IRGC: variants seen among roughly 807,000 people sequenced by gnomAD.
The protein encoded by IRGC is immunity related GTPase cinema.
Under a neutral mutation model 16.1 loss-of-function variants are expected in IRGC, and 4 were observed. The ratio of observed to expected loss-of-function variants is 0.25; its 90% CI spans 0.12 to 0.57. The LOEUF is 0.57. Among genes scored for constraint, IRGC ranks in the 20% least tolerant of loss-of-function variants. The probability of loss-of-function intolerance (pLI) is 0.92; values close to 1 mark genes in which losing one functional copy is unlikely to be tolerated. For synonymous variants in IRGC, 307 were observed against 299.5 expected (o/e 1.03, Z -0.26); for missense variants, 570 against 643.9 (o/e 0.89, Z 1.24).
chr19:43,717,043 G>C (rs970038720), intron 1 of IRGC, among the ~76,000 whole-genome samples: 1 of 152,138 alleles, frequency 6.6e-6, no homozygotes, highest in African/African-American at 2.4e-5. Context: ...AGGGATCTGA[G>C]GGGGGACCAT....
In IRGC at chr19:43,718,917, G is replaced by A. The variant is rs1968218794; in HGVS notation, c.359G>A (p.Cys120Tyr). The A allele has an allele frequency of 6.2e-7, 1 of 1,612,796 alleles. No homozygotes were observed. Among genetic ancestry groups the A allele is most frequent in the African/African-American group, 1.3e-5 (1 of 74,918 alleles). The change falls in exon 2 of 2, where the codon TGC (cysteine) becomes TAC (tyrosine). Residue 120 changes from cysteine (C) to tyrosine (Y), a missense_variant. By Grantham distance (194) the Cys-to-Tyr change is radical. Transcript: ENST00000244314. ...WDLPGAGSPG[C>Y]PADKYLKQVD... The stretch of plus-strand genomic sequence containing the variant: ...CTGCCAGGAGCCGGCTCTCCAGGCT[G>A]CCCGGCTGACAAGTACCTAAAGCAG...
chr19:43,717,158 G>A (rs1156563588), intron 1 of IRGC, among the ~76,000 whole-genome samples: 1 of 152,078 alleles, frequency 6.6e-6, no homozygotes, highest in Non-Finnish European at 1.5e-5. Context: ...TGTCCAGGTG[G>A]TCCCCATGTC....
chr19:43,719,555 C>T lies in IRGC; in HGVS notation c.997C>T (p.Pro333Ser). 1 of 1,602,578 alleles carries T rather than the reference C, an allele frequency of 6.2e-7. No homozygotes were observed. Reference protein sequence around the residue: ...AGDLRSVIRSPLANEVSPETV... With the variant: ...AGDLRSVIRSSLANEVSPETV... ...TGACCTGCGCTCGGTCATCCGCTCCCCACTGGCCAACGAGGTCTCGCCTGA... is the reference window on the plus strand; with the variant it reads ...TGACCTGCGCTCGGTCATCCGCTCCTCACTGGCCAACGAGGTCTCGCCTGA... Residue 333 changes from proline (P) to serine (S), a missense_variant, in exon 2 of 2, where the codon CCA becomes TCA. By Grantham distance (74) the Pro-to-Ser change is moderately conservative (BLOSUM62 -1). Transcript: ENST00000244314.
chr19:43,719,212 C>T lies in IRGC; in HGVS notation c.654C>T (p.Leu218=), dbSNP rs924799320. The part of the protein sequence containing the change: ...ADPRIFLVSN[L]SPARYDFPTL... ...CTCGCATCTTCCTGGTGTCCAACCT[C>T]TCGCCGGCCCGCTACGACTTTCCCA... The change falls in exon 2 of 2, where the codon CTC becomes CTT. Residue 218 remains leucine, a synonymous_variant. Transcript: ENST00000244314. The T allele has an allele frequency of 1.9e-6, 3 of 1,608,550 alleles. No homozygotes were observed. The highest frequency in any genetic ancestry group is 2.5e-6 in the Non-Finnish European group (3 of 1,179,638).
intron 1 of IRGC, among the ~76,000 whole-genome samples, chr19:43,717,282 C>T (rs1968185521): frequency 6.6e-6 from 1 of 152,166 alleles, no homozygotes; most frequent in Admixed American, 6.5e-5. Context: ...CCCCACGGGG[C>T]AGCTGAGGCT....
At position 43,718,752 on chromosome 19, in the gene IRGC, C is replaced by A; in HGVS notation, c.194C>A (p.Ala65Glu). 6.2e-7 allele frequency: 1 copy of A among 1,612,674 alleles called. No individual in the cohort carries two copies. The highest frequency in any genetic ancestry group is 8.5e-7 in the Non-Finnish European group (1 of 1,179,752). ...GTGGGCGTCACGGGCGAGTCGGGCG[C>A]GGGCAAGTCCTCCCTCATCAATGCC... ...LEVGVTGESGAGKSSLINALR... is the reference protein window; with the variant it reads ...LEVGVTGESGEGKSSLINALR... Residue 65 changes from alanine to glutamate, a missense_variant, in exon 2 of 2, where the codon GCG becomes GAG. Physicochemically the swap from Ala to Glu is moderately radical, Grantham distance 107. Transcript: ENST00000244314.
intron 1 of IRGC, 170 bp from the exon 2 acceptor site, chr19:43,718,323 C>T (rs893129830): frequency 5.9e-6 from 4 of 677,008 alleles, no homozygotes; most frequent in Admixed American, 3.9e-5. Context: ...GAACCTGGGC[C>T]TGCCAGACCC....
rs756799164 is a variant in IRGC at position 43,718,742 on chromosome 19, G to A, written c.184G>A (p.Glu62Lys). ...SIRLEVGVTG[E>K]SGAGKSSLIN... Reference sequence around the variant, plus strand: ...CCGCCTGGAGGTGGGCGTCACGGGCGAGTCGGGCGCGGGCAAGTCCTCCCT... The same window carrying A: ...CCGCCTGGAGGTGGGCGTCACGGGCAAGTCGGGCGCGGGCAAGTCCTCCCT... The change falls in exon 2 of 2, where the codon GAG (glutamate) becomes AAG (lysine). Residue 62 changes from glutamate to lysine, a missense_variant. By Grantham distance (56) the Glu-to-Lys change is moderately conservative. Transcript: ENST00000244314. 3.1e-6 allele frequency: 5 copies of A among 1,612,808 alleles called. No homozygotes were observed. The highest frequency in any genetic ancestry group is 3.4e-6 in the Non-Finnish European group (4 of 1,179,802).
intron 1 of IRGC, among the ~76,000 whole-genome samples, chr19:43,716,503 A>G (rs1968172080): frequency 6.6e-6 from 1 of 151,956 alleles, no homozygotes; most frequent in African/African-American, 2.4e-5. Flanking sequence ...ACACCTGGCT[A>G]ATTTTTGTAT....
At chr19:43,718,125 G>A (rs1353840196) in intron 1 of IRGC, among the ~76,000 whole-genome samples, 1 of 152,138 alleles carries the variant, frequency 6.6e-6, no homozygotes, top group African/African-American at 2.4e-5. Context: ...ATTAAACCAA[G>A]CACTGGGCCA....
Position 43,718,828 on chromosome 19 carries a change from G to A in IRGC, c.270G>A (p.Met90Ile), listed in dbSNP as rs1968216261. The change falls in exon 2 of 2, where the codon ATG (methionine) becomes ATA (isoleucine). Residue 90 changes from methionine (M) to isoleucine (I), a missense_variant. Coordinates refer to ENST00000244314, the MANE Select transcript of IRGC (RefSeq NM_019612.4). ...CTGGCGCGGCTCTCACGGGCGTCAT[G>A]GAGACCACGATGCAACCGTCGCCCT... ...EDPGAALTGV[M>I]ETTMQPSPYP... is the part of the protein sequence containing the mutation. The A allele has an allele frequency of 6.2e-7, 1 of 1,612,956 alleles. No individual in the cohort carries two copies. Among genetic ancestry groups the A allele is most frequent in the Non-Finnish European group, 8.5e-7 (1 of 1,179,982 alleles).
In IRGC at chr19:43,718,747, G is replaced by T. The variant is rs570958028; in HGVS notation, c.189G>T (p.Ser63=). 2.5e-6 allele frequency: 4 copies of T among 1,612,740 alleles called. No individual in the cohort carries two copies. The South Asian group carries it at 4.4e-5, about 18-fold the overall frequency. Residue 63 remains serine (S), a synonymous_variant, in exon 2 of 2, where the codon TCG becomes TCT. Coordinates refer to ENST00000244314, the MANE Select transcript of IRGC (RefSeq NM_019612.4). ...TGGAGGTGGGCGTCACGGGCGAGTC[G>T]GGCGCGGGCAAGTCCTCCCTCATCA... The part of the protein sequence containing the change: ...IRLEVGVTGE[S]GAGKSSLINA...
intron 1 of IRGC, among the ~76,000 whole-genome samples, chr19:43,717,385 G>A (rs745370144): frequency 6.6e-6 from 1 of 152,198 alleles, no homozygotes; most frequent in Non-Finnish European, 1.5e-5. Flanking sequence ...ATGACACGAG[G>A]CACCTGCCCT....
Position 43,719,750 on chromosome 19 carries a change from C to A in IRGC, c.1192C>A (p.Arg398Ser). 3 of 1,613,618 alleles carry A rather than the reference C, an allele frequency of 1.9e-6. No homozygotes were observed. Among genetic ancestry groups the A allele is most frequent in the South Asian group, 1.1e-5 (1 of 91,038 alleles). The change falls in exon 2 of 2, where the codon CGT (arginine) becomes AGT (serine). Residue 398 changes from arginine (R) to serine (S), a missense_variant. Physicochemically the swap from Arg to Ser is moderately radical, Grantham distance 110. Transcript: ENST00000244314. The stretch of plus-strand genomic sequence containing the variant: ...CAACGAGATGGCTGAGGACGCCCAG[C>A]GTGTCCGCATCAAGGCCCTGGAGGA... Reference protein sequence around the residue: ...CLNEMAEDAQRVRIKALEDDE... With the variant: ...CLNEMAEDAQSVRIKALEDDE...
Position 43,718,727 on chromosome 19 carries a change from G to A in IRGC, c.169G>A (p.Val57Met). ...LASTESIRLEVGVTGESGAGK... is the reference protein window; with the variant it reads ...LASTESIRLEMGVTGESGAGK... ...CTCCACGGAAAGCATCCGCCTGGAG[G>A]TGGGCGTCACGGGCGAGTCGGGCGC... is the stretch of plus-strand genomic sequence containing the variant. The change falls in exon 2 of 2, where the codon GTG becomes ATG. Residue 57 changes from valine (V) to methionine (M), a missense_variant. Physicochemically the swap from Val to Met is conservative, Grantham distance 21. Coordinates refer to ENST00000244314, the MANE Select transcript of IRGC (RefSeq NM_019612.4). 5 of 1,613,318 alleles carry A rather than the reference G, an allele frequency of 3.1e-6. No individual in the cohort carries two copies. Among genetic ancestry groups the A allele is most frequent in the Non-Finnish European group, 4.2e-6 (5 of 1,179,900 alleles).
In IRGC at chr19:43,718,065, TCAAA is replaced by T. The variant is rs111429395; in HGVS notation, c.-66-404_-66-401del. Among the ~76,000 whole-genome samples, 430 of 152,120 alleles carry T rather than the reference TCAAA, an allele frequency of 2.8e-3. 2 individuals are homozygous for T. The highest frequency in any genetic ancestry group is 7.4e-3 in the African/African-American group (309 of 41,496). Reference sequence around the variant, plus strand: ...GCCTCGATGACAGAGAGACCCTGTCTCAAACAAACAAACAAACAAACAAACAATT... The same window carrying T: ...GCCTCGATGACAGAGAGACCCTGTCTCAAACAAACAAACAAACAAACAATT... On this transcript the variant is annotated intron_variant, in intron 1 of 1. Transcript: ENST00000244314.
Position 43,718,639 on chromosome 19 carries a change from G to T in IRGC, c.81G>T (p.Leu27=). 6.2e-7 allele frequency: 1 copy of T among 1,613,600 alleles called. No individual in the cohort carries two copies. The highest frequency in any genetic ancestry group is 8.5e-7 in the Non-Finnish European group (1 of 1,179,990). The change falls in exon 2 of 2, where the codon CTG becomes CTT. Residue 27 remains leucine, a synonymous_variant. Coordinates refer to ENST00000244314, the MANE Select transcript of IRGC (RefSeq NM_019612.4). ...TGGCCAAGGAAAGGCTGGAGGCCCT[G>T]CGCACAGCCTTTGAGTCGGGTGACC... ...ILMAKERLEA[L]RTAFESGDLP...
Position 43,719,636 on chromosome 19 carries a change from G to C in IRGC, c.1078G>C (p.Ala360Pro). The C allele has an allele frequency of 6.2e-7, 1 of 1,606,148 alleles. No homozygotes were observed. The highest frequency in any genetic ancestry group is 1.1e-5 in the South Asian group (1 of 91,078). ...SSDGAMRVAR[A>P]FERGIPVFGT... ...CGACGGCGCCATGCGGGTGGCCCGC[G>C]CCTTTGAGAGGGGCATCCCTGTGTT... The change falls in exon 2 of 2, where the codon GCC becomes CCC. Residue 360 changes from alanine to proline, a missense_variant. By Grantham distance (27) the Ala-to-Pro change is conservative. Coordinates refer to ENST00000244314, the MANE Select transcript of IRGC (RefSeq NM_019612.4).
rs184064504 is a variant in IRGC at position 43,719,453 on chromosome 19, C to A, written c.895C>A (p.Arg299Ser). ...YDDALLIHSL[R>S]GYHRSFGLDD... ...TGATGCGTTGCTCATCCACTCACTGCGTGGCTACCACCGCAGCTTTGGTCT... is the reference window on the plus strand; with the variant it reads ...TGATGCGTTGCTCATCCACTCACTGAGTGGCTACCACCGCAGCTTTGGTCT... The change falls in exon 2 of 2, where the codon CGT (arginine) becomes AGT (serine). Residue 299 changes from arginine (R) to serine (S), a missense_variant. Arg to Ser is a moderately radical substitution (Grantham distance 110, BLOSUM62 -1). Transcript: ENST00000244314. The A allele has an allele frequency of 6.2e-7, 1 of 1,601,962 alleles. No homozygotes were observed. The highest frequency in any genetic ancestry group is 2.2e-5 in the East Asian group (1 of 44,652).
Sources: allele counts gnomAD v4.1 joint callset (sites outside exome capture counted in the v4.1 genomes callset), GRCh38; gene constraint gnomAD v4.1.1; transcripts MANE v1.5; gene names NCBI Gene and HGNC (gene_info 2026-07-23, HGNC 2026-07-21).